Variants in STPG2 observed in about 807,000 individuals in gnomAD.
STPG2 encodes the protein sperm-tail PG-rich repeat-containing protein 2.
In STPG2, 56 loss-of-function variants were observed where a neutral mutation model predicts 54.2. The ratio of observed to expected loss-of-function variants is 1.03; its 90% CI spans 0.83 to 1.29. STPG2 has a LOEUF of 1.29. STPG2 is among the 50% of genes most tolerant of loss of function. The pLI is 0.00. For synonymous variants in STPG2, 200 were observed against 181.8 expected (o/e 1.10, Z -0.81); for missense variants, 596 against 544.9 (o/e 1.09, Z -0.93).
chr4:97,707,179 A>G (rs1043547833), intron 10 of STPG2, among the ~76,000 whole-genome samples: 1 of 152,158 alleles, frequency 6.6e-6, no homozygotes, highest in Non-Finnish European at 1.5e-5. Flanking sequence ...TGATGTGCTG[A>G]TAGGACCATG....
chr4:97,590,435 G>C (rs1274727294), intron 10 of STPG2, among the ~76,000 whole-genome samples: 1 of 152,042 alleles, frequency 6.6e-6, no homozygotes, highest in Non-Finnish European at 1.5e-5. Flanking sequence ...TAGAAGGTAT[G>C]TGTAGGACAA....
intron 9 of STPG2, among the ~76,000 whole-genome samples, chr4:97,757,310 C>T (rs769641153): frequency 4.6e-5 from 7 of 152,108 alleles, no homozygotes; most frequent in Non-Finnish European, 8.8e-5. Flanking sequence ...AATTAGATCA[C>T]GAGCAGCTCT....
Position 97,986,738 on chromosome 4 carries a change from G to A in STPG2, c.613-5420C>T, listed in dbSNP as rs115498069. Among the ~76,000 whole-genome samples the A allele has an allele frequency of 4.4e-3, 666 of 151,954 alleles. 3 individuals are homozygous for A. The highest frequency in any genetic ancestry group is 4.5e-3 in the Non-Finnish European group (304 of 67,968). On this transcript the variant is annotated intron_variant, in intron 5 of 10. Transcript: ENST00000295268. ...TCACTTCATTTTACCCATATGTTTTGGCAATATATTTTTCCTAGACCATGT... is the reference window on the plus strand; with the variant it reads ...TCACTTCATTTTACCCATATGTTTTAGCAATATATTTTTCCTAGACCATGT...
At chr4:97,803,907 T>C (rs1727473814) in intron 9 of STPG2, among the ~76,000 whole-genome samples, 1 of 152,200 alleles carries the variant, frequency 6.6e-6, no homozygotes, top group Admixed American at 6.5e-5. Context: ...GTTATTTCAA[T>C]TCTGTGGGCA....
chr4:97,633,974 C>T (rs1354155487), intron 10 of STPG2, among the ~76,000 whole-genome samples: 8 of 152,196 alleles, frequency 5.3e-5, no homozygotes, highest in Non-Finnish European at 1.0e-4. Flanking sequence ...GAAGCTCGAA[C>T]TGGGTGGAGC....
At chr4:97,935,898 T>C (rs1732730394) in intron 8 of STPG2, among the ~76,000 whole-genome samples, 1 of 152,196 alleles carries the variant, frequency 6.6e-6, no homozygotes, top group African/African-American at 2.4e-5. Context: ...TCAGTTACAC[T>C]AGATCCAGAG....
At chr4:97,640,605 A>T (rs1223413535) in intron 10 of STPG2, among the ~76,000 whole-genome samples, 1 of 151,780 alleles carries the variant, frequency 6.6e-6, no homozygotes, top group Non-Finnish European at 1.5e-5. Context: ...AGATTGAAAA[A>T]CAGGATATAC....
chr4:97,848,133 T>A (rs1422241321), intron 8 of STPG2, among the ~76,000 whole-genome samples: 1 of 152,206 alleles, frequency 6.6e-6, no homozygotes, highest in Non-Finnish European at 1.5e-5. Flanking sequence ...ATCCAAAGCC[T>A]CTTTTCAATT....
intron 9 of STPG2, among the ~76,000 whole-genome samples, chr4:97,831,772 G>A (rs941834378): frequency 6.6e-6 from 1 of 152,158 alleles, no homozygotes; most frequent in Non-Finnish European, 1.5e-5. Flanking sequence ...AAATCTAGAA[G>A]AAATGGATAA....
chr4:97,573,555 TA>T (rs1296222403), intron 10 of STPG2, among the ~76,000 whole-genome samples: 1 of 151,840 alleles, frequency 6.6e-6, no homozygotes, highest in Admixed American at 6.6e-5. Context: ...AATTATAATA[TA>T]AAAAATGGAA....
intron 10 of STPG2, among the ~76,000 whole-genome samples, chr4:97,613,629 T>A (rs2148917137): frequency 6.6e-6 from 1 of 152,058 alleles, no homozygotes; most frequent in South Asian, 2.1e-4. Flanking sequence ...ATTGACAATT[T>A]ATCTCTTCTG....
chr4:98,002,196 T>C lies in STPG2; in HGVS notation c.613-20878A>G, dbSNP rs552520581. On this transcript the variant is annotated intron_variant, in intron 5 of 10. Transcript: ENST00000295268. ...TAATAGCTCTGAAACTAGGATTGCA[T>C]TGGTCTGAAGAAATCTCTGAAGTGC... Among the ~76,000 whole-genome samples, 6 of 152,114 alleles carry C rather than the reference T, an allele frequency of 3.9e-5. No individual in the cohort carries two copies. In the East Asian group the frequency reaches 7.7e-4, roughly 20 times the overall value.
At chr4:97,691,914 G>A (rs565187017) in intron 10 of STPG2, among the ~76,000 whole-genome samples, 1 of 152,210 alleles carries the variant, frequency 6.6e-6, no homozygotes, top group Non-Finnish European at 1.5e-5. Context: ...CTGGTAGCTT[G>A]ACTGTGTGGT....
chr4:97,913,130 G>T (rs1360328462), intron 8 of STPG2, among the ~76,000 whole-genome samples: 3 of 152,148 alleles, frequency 2.0e-5, no homozygotes, highest in African/African-American at 7.2e-5. Flanking sequence ...AAGCTTCAAG[G>T]AAAATTCAGA....
At chr4:97,831,573 A>G (rs1239685338) in intron 9 of STPG2, among the ~76,000 whole-genome samples, 4 of 152,280 alleles carry the variant, frequency 2.6e-5, no homozygotes, top group South Asian at 2.1e-4. Flanking sequence ...CAAAAAATCA[A>G]TGAATCCAGG....
intron 8 of STPG2, among the ~76,000 whole-genome samples, chr4:97,843,540 A>G (rs1728861474): frequency 6.6e-6 from 1 of 151,860 alleles, no homozygotes; most frequent in South Asian, 2.1e-4. Context: ...TAATATCTTT[A>G]TTGGGTATAG....
intron 5 of STPG2, among the ~76,000 whole-genome samples, chr4:98,057,143 C>T (rs916784936): frequency 6.6e-6 from 1 of 152,128 alleles, no homozygotes; most frequent in Non-Finnish European, 1.5e-5. Context: ...AGCCAGAGTG[C>T]CTTCTTTTCT....
At chr4:98,019,056 C>T (rs1736077840) in intron 5 of STPG2, among the ~76,000 whole-genome samples, 1 of 151,924 alleles carries the variant, frequency 6.6e-6, no homozygotes, top group South Asian at 2.1e-4. Context: ...GCTTTTGTTG[C>T]CATTGCTTTT....
rs550128268 is a variant in STPG2, at chr4:97,857,289, G to T, written c.1045-16357C>A. On this transcript the variant is annotated intron_variant, in intron 8 of 10. Coordinates refer to ENST00000295268, the MANE Select transcript of STPG2 (RefSeq NM_174952.3). The stretch of plus-strand genomic sequence containing the variant: ...TTCAGCTGTGAATCCATCTGGTGTT[G>T]GGCTTTTTCTTGGTTGGTAGGCTAT... 3.9e-5 allele frequency among the ~76,000 whole-genome samples: 6 copies of T among 152,102 alleles called. No homozygotes were observed. In the East Asian group the frequency reaches 1.2e-3, roughly 29 times the overall value.
Sources: allele counts gnomAD v4.1 joint callset (sites outside exome capture counted in the v4.1 genomes callset), GRCh38; gene constraint gnomAD v4.1.1; transcripts MANE v1.5; gene names NCBI Gene and HGNC (gene_info 2026-07-23, HGNC 2026-07-21).